PBX2: variants seen among roughly 807,000 people sequenced by gnomAD.
PBX2 encodes the protein PBX homeobox 2, also known as pre-B-cell leukemia transcription factor 2.
PBX2 carries 10 observed loss-of-function variants against 46.5 expected under a neutral mutation model. That is an observed-to-expected ratio of 0.21 (90% CI 0.13 to 0.36). The LOEUF (loss-of-function observed/expected upper bound fraction) is 0.36, where lower values mean the gene tolerates loss of function less well. Among genes scored for constraint, PBX2 ranks in the 10% least tolerant of loss-of-function variants. PBX2 has a pLI of 1.00. For synonymous variants in PBX2, 160 were observed against 222.5 expected (o/e 0.72, Z 2.50); for missense variants, 392 against 580.5 (o/e 0.68, Z 3.34).
chr6:32,190,192 G>GAA lies in PBX2; in HGVS notation c.-278_-277insTT, dbSNP rs1787386647. ...CGGGGGTGTGTGTGAGAGAGAGGGAGGAGGGAGGAGGGAGAAGGGGGGGGA... is the reference window on the plus strand; with the variant it reads ...CGGGGGTGTGTGTGAGAGAGAGGGAGAAGAGGGAGGAGGGAGAAGGGGGGGGA... On this transcript the variant is annotated 5_prime_UTR_variant, in exon 1 of 9. Coordinates refer to ENST00000375050, the MANE Select transcript of PBX2 (RefSeq NM_002586.5). 1 of 289,924 alleles carries GAA rather than the reference G, an allele frequency of 3.4e-6. No individual in the cohort carries two copies. Among genetic ancestry groups the GAA allele is most frequent in the Non-Finnish European group, 6.4e-6 (1 of 156,290 alleles). The allele number at this position is 289,924 out of a possible 1,614,324, so 18.0% of individuals were successfully genotyped here.
rs749343499 is a variant in PBX2, at chr6:32,187,192, A to T, written c.1024+50T>A. 1 of 1,608,196 alleles carries T rather than the reference A, an allele frequency of 6.2e-7. No individual in the cohort carries two copies. The highest frequency in any genetic ancestry group is 8.5e-7 in the Non-Finnish European group (1 of 1,177,236). ...TCCTGCCTAGATAGGAAGTGGGAACAAAAGCAGGAAGTGTGCAAAACAGTC... is the reference window on the plus strand; with the variant it reads ...TCCTGCCTAGATAGGAAGTGGGAACTAAAGCAGGAAGTGTGCAAAACAGTC... On this transcript the variant is annotated intron_variant, in intron 6 of 8. Transcript: ENST00000375050. The surrounding 1 kb of genome is among the most constrained non-coding windows in gnomAD (Gnocchi z 7.7).
chr6:32,188,946 T>C lies in PBX2; in HGVS notation c.222-150A>G. 2 of 668,058 alleles carry C rather than the reference T, an allele frequency of 3.0e-6. No homozygotes were observed. The allele number at this position is 668,058 out of a possible 1,614,324, so 41.4% of individuals were successfully genotyped here. A position where few individuals can be genotyped will look rare whatever the true frequency, so the allele number is the denominator to read the frequency against. On this transcript the variant is annotated intron_variant, in intron 1 of 8. Transcript: ENST00000375050. The surrounding 1 kb of genome is among the most constrained non-coding windows in gnomAD (Gnocchi z 6.5). ...GAGTTGGGGGTGGAATGAGGAGTTC[T>C]TGGGAAAAGATCAGCTCCCAGAGCA...
At position 32,188,519 on chromosome 6, in the gene PBX2, A is replaced by T. The variant is rs1242375630; in HGVS notation, c.296-15T>A. 1.2e-6 allele frequency: 2 copies of T among 1,611,758 alleles called. No individual in the cohort carries two copies. Among genetic ancestry groups the T allele is most frequent in the Non-Finnish European group, 1.7e-6 (2 of 1,178,710 alleles). On this transcript the variant is annotated splice_polypyrimidine_tract_variant and intron_variant, in intron 2 of 8. Coordinates refer to ENST00000375050, the MANE Select transcript of PBX2 (RefSeq NM_002586.5). The surrounding 1 kb of genome is among the most constrained non-coding windows in gnomAD (Gnocchi z 6.5). The stretch of plus-strand genomic sequence containing the variant: ...AATGCTGAGGCCTAGCATGCAGGCG[A>T]GTGGACTTAGGGACCCAGAGACCCC...
Position 32,185,148 on chromosome 6 carries a change from C to T in PBX2, c.*1234G>A, listed in dbSNP as rs1157796491. 6.6e-6 allele frequency: 1 copy of T among 152,636 alleles called. No homozygotes were observed. The highest frequency in any genetic ancestry group is 1.5e-5 in the Non-Finnish European group (1 of 68,048). 9.5% of individuals were successfully genotyped at this position (152,636 alleles called of 1,614,324 possible). A position where few individuals can be genotyped will look rare whatever the true frequency, so the allele number is the denominator to read the frequency against. ...ATATTTAACATATTTGGCAATAACT[C>T]CCTTCCCATTCTTCCCCCTCCAATT... On this transcript the variant is annotated 3_prime_UTR_variant, in exon 9 of 9. Transcript: ENST00000375050.
rs756013391 is a variant in PBX2, at chr6:32,187,390, G to A, written c.876C>T (p.Ser292=). The change falls in exon 6 of 9, where the codon TCC becomes TCT. Residue 292 remains serine, a synonymous_variant. Transcript: ENST00000375050. The surrounding 1 kb of genome is among the most constrained non-coding windows in gnomAD (Gnocchi z 7.7). ...GAATCCTCTTGTTGCCAAACCAGTT[G>A]GAGACCTGTGGGGCAGAAAGGAGGG... ...KKCGITVSQV[S]NWFGNKRIRY... is the part of the protein sequence containing the mutation. 3 of 1,612,952 alleles carry A rather than the reference G, an allele frequency of 1.9e-6. No individual in the cohort carries two copies. The highest frequency in any genetic ancestry group is 1.7e-5 in the Admixed American group (1 of 60,014).
rs1440690575 is a variant in PBX2 at position 32,187,982 on chromosome 6, G to A, written c.718C>T (p.Arg240Cys). ...TGGGCCCACCTGGCATCCAGGAAAC[G>A]GGAGCGCAGGATCATCACAGCCTCG... is the stretch of plus-strand genomic sequence containing the variant. ...TCEAVMILRS[R>C]FLDARRKRRN... is the part of the protein sequence containing the mutation. The change falls in exon 4 of 9, where the codon CGT (arginine) becomes TGT (cysteine). Residue 240 changes from arginine (R) to cysteine (C), a missense_variant. Physicochemically the swap from Arg to Cys is radical, Grantham distance 180 (BLOSUM62 -3). Transcript: ENST00000375050. This position sits in a 1 kb window ranked among gnomAD's most constrained non-coding sequence, Gnocchi z 7.7. The A allele has an allele frequency of 4.5e-6, 7 of 1,558,198 alleles. No homozygotes were observed. In the Admixed American group the frequency reaches 5.7e-5, roughly 13 times the overall value.
Position 32,189,630 on chromosome 6 carries a change from A to G in PBX2, c.221+65T>C. 5 of 1,254,590 alleles carry G rather than the reference A, an allele frequency of 4.0e-6. No individual in the cohort carries two copies. The highest frequency in any genetic ancestry group is 4.6e-6 in the Non-Finnish European group (4 of 873,098). The allele number at this position is 1,254,590 out of a possible 1,614,324, so 77.7% of individuals were successfully genotyped here. A position where few individuals can be genotyped will look rare whatever the true frequency, so the allele number is the denominator to read the frequency against. On this transcript the variant is annotated intron_variant, in intron 1 of 8. Transcript: ENST00000375050. The surrounding 1 kb of genome is among the most constrained non-coding windows in gnomAD (Gnocchi z 4.7). The stretch of plus-strand genomic sequence containing the variant: ...CCCTGGAGTTGGGGGGGGCTCCCAG[A>G]AGATTCAGAACATGTGAACGGGGTT...
Position 32,188,445 on chromosome 6 carries a change from C to T in PBX2, c.355G>A (p.Asp119Asn). The T allele has an allele frequency of 6.2e-7, 1 of 1,614,140 alleles. No homozygotes were observed. ...ACACCCTCTGCCAGAAGCATGTTGT[C>T]CAAGCGCATCAGCTGTGGGTCCACC... ...EPVDPQLMRL[D>N]NMLLAEGVAG... Residue 119 changes from aspartate (D) to asparagine (N), a missense_variant, in exon 3 of 9, where the codon GAC (aspartate) becomes AAC (asparagine). Coordinates refer to ENST00000375050, the MANE Select transcript of PBX2 (RefSeq NM_002586.5). The surrounding 1 kb of genome is among the most constrained non-coding windows in gnomAD (Gnocchi z 6.5).
rs1196178798 is a variant in PBX2 at position 32,188,176 on chromosome 6, G to A, written c.544-20C>T. 1.9e-6 allele frequency: 3 copies of A among 1,597,522 alleles called. No individual in the cohort carries two copies. In the South Asian group the frequency reaches 3.4e-5, roughly 18 times the overall value. ...ACATGCCTGTAGTGGGGGCCAGTGGGCTGGTGAGGAGGAGCCCTTTGACCA... is the reference window on the plus strand; with the variant it reads ...ACATGCCTGTAGTGGGGGCCAGTGGACTGGTGAGGAGGAGCCCTTTGACCA... On this transcript the variant is annotated intron_variant, in intron 3 of 8. Transcript: ENST00000375050. This position sits in a 1 kb window ranked among gnomAD's most constrained non-coding sequence, Gnocchi z 6.5.
Position 32,187,831 on chromosome 6 carries a change from G to A in PBX2, c.735-49C>T, listed in dbSNP as rs1787211946. ...TGAGGAGGATGTTGATGTCCTGGCA[G>A]GGCTGTCACATGGCATGACCCCAGA... is the stretch of plus-strand genomic sequence containing the variant. On this transcript the variant is annotated intron_variant, in intron 4 of 8. Coordinates refer to ENST00000375050, the MANE Select transcript of PBX2 (RefSeq NM_002586.5). The surrounding 1 kb of genome is among the most constrained non-coding windows in gnomAD (Gnocchi z 7.7). The A allele has an allele frequency of 6.2e-7, 1 of 1,602,866 alleles. No homozygotes were observed. Among genetic ancestry groups the A allele is most frequent in the Admixed American group, 1.7e-5 (1 of 59,154 alleles).
rs1582730709 is a variant in PBX2 at position 32,184,874 on chromosome 6, C to T, written c.*1508G>A. 6.8e-6 allele frequency: 1 copy of T among 147,746 alleles called. No individual in the cohort carries two copies. The highest frequency in any genetic ancestry group is 2.5e-5 in the African/African-American group (1 of 39,824). 9.2% of individuals were successfully genotyped at this position (147,746 alleles called of 1,614,324 possible). ...ACCCATCACACTTCCAACCTGTCCC[C>T]AGTCCTGCCCGGATCTTTAATGGGA... On this transcript the variant is annotated 3_prime_UTR_variant, in exon 9 of 9. Transcript: ENST00000375050.
Position 32,189,696 on chromosome 6 carries a change from T to TGGCCTG in PBX2, c.214_219dup (p.Gln72_Ala73dup), listed in dbSNP as rs1233606907. 2 of 1,605,946 alleles carry TGGCCTG rather than the reference T, an allele frequency of 1.2e-6. No homozygotes were observed. Among genetic ancestry groups the TGGCCTG allele is most frequent in the African/African-American group, 2.7e-5 (2 of 74,314 alleles). On this transcript the variant is annotated inframe_insertion and splice_region_variant, in exon 1 of 9. Coordinates refer to ENST00000375050, the MANE Select transcript of PBX2 (RefSeq NM_002586.5). The surrounding 1 kb of genome is among the most constrained non-coding windows in gnomAD (Gnocchi z 4.7). Reference sequence around the variant, plus strand: ...GGGTCCCGGAGTGGGGGCACTCACTTGGCCTGGGCCTCGTCCAGGCTCTGG... The same window carrying TGGCCTG: ...GGGTCCCGGAGTGGGGGCACTCACTTGGCCTGGGCCTGGGCCTCGTCCAGGCTCTGG...
Position 32,188,602 on chromosome 6 carries a change from G to T in PBX2, c.296-98C>A. 1 of 1,577,150 alleles carries T rather than the reference G, an allele frequency of 6.3e-7. No individual in the cohort carries two copies. The highest frequency in any genetic ancestry group is 1.4e-5 in the African/African-American group (1 of 73,782). On this transcript the variant is annotated intron_variant, in intron 2 of 8. Transcript: ENST00000375050. This position sits in a 1 kb window ranked among gnomAD's most constrained non-coding sequence, Gnocchi z 6.5. ...TGGAGAGCCAAGTTCCCAGGCTTTG[G>T]TTCCTTCCCCAGTCCCCCTGACTCC...
rs376707273 is a variant in PBX2 at position 32,186,511 on chromosome 6, C to A, written c.1201-37G>T. The A allele has an allele frequency of 4.4e-6, 7 of 1,592,126 alleles. No individual in the cohort carries two copies. In the East Asian group the frequency reaches 6.7e-5, roughly 15 times the overall value. On this transcript the variant is annotated intron_variant, in intron 8 of 8. Coordinates refer to ENST00000375050, the MANE Select transcript of PBX2 (RefSeq NM_002586.5). This position sits in a 1 kb window ranked among gnomAD's most constrained non-coding sequence, Gnocchi z 4.2. The stretch of plus-strand genomic sequence containing the variant: ...GACAGAGTACAGAAAACAGAGAAAG[C>A]CCTGGGAACCCTGTGTGGGCACAAC...
rs1787014060 is a variant in PBX2 at position 32,185,571 on chromosome 6, A to AAAAAAC, written c.*810_*811insGTTTTT. On this transcript the variant is annotated 3_prime_UTR_variant, in exon 9 of 9. Coordinates refer to ENST00000375050, the MANE Select transcript of PBX2 (RefSeq NM_002586.5). ...AGAAATCAACATATTTATAAAAAAA[A>AAAAAAC]AAACAAGCTACTTCCCCAAACTAAA... 2 of 152,080 alleles carry AAAAAAC rather than the reference A, an allele frequency of 1.3e-5. No homozygotes were observed. Among genetic ancestry groups the AAAAAAC allele is most frequent in the African/African-American group, 2.4e-5 (1 of 41,374 alleles). 9.4% of individuals were successfully genotyped at this position (152,080 alleles called of 1,614,324 possible).
rs556520243 is a variant in PBX2, at chr6:32,185,283, A to T, written c.*1099T>A. ...CCAGCCCTGCCCAAGGGTTGTGGGAAGAAGGGGGATGAGAGGCCAGCAGGG... is the reference window on the plus strand; with the variant it reads ...CCAGCCCTGCCCAAGGGTTGTGGGATGAAGGGGGATGAGAGGCCAGCAGGG... On this transcript the variant is annotated 3_prime_UTR_variant, in exon 9 of 9. Coordinates refer to ENST00000375050, the MANE Select transcript of PBX2 (RefSeq NM_002586.5). The T allele has an allele frequency of 1.3e-5, 2 of 152,480 alleles. No individual in the cohort carries two copies. The highest frequency in any genetic ancestry group is 4.8e-5 in the African/African-American group (2 of 41,434). The allele number at this position is 152,480 out of a possible 1,614,324, so 9.4% of individuals were successfully genotyped here.
rs774509384 is a variant in PBX2 at position 32,186,791 on chromosome 6, C to A, written c.1113+22G>T. 1 of 1,610,890 alleles carries A rather than the reference C, an allele frequency of 6.2e-7. No individual in the cohort carries two copies. The highest frequency in any genetic ancestry group is 8.5e-7 in the Non-Finnish European group (1 of 1,177,092). On this transcript the variant is annotated intron_variant, in intron 7 of 8. Coordinates refer to ENST00000375050, the MANE Select transcript of PBX2 (RefSeq NM_002586.5). This position sits in a 1 kb window ranked among gnomAD's most constrained non-coding sequence, Gnocchi z 4.2. ...AAATGGAGTTGGGGAAAGCCCTATTCGAGAGGAGATGGGCATCTGACCTGG... is the reference window on the plus strand; with the variant it reads ...AAATGGAGTTGGGGAAAGCCCTATTAGAGAGGAGATGGGCATCTGACCTGG...
Position 32,189,807 on chromosome 6 carries a change from G to C in PBX2, c.109C>G (p.Pro37Ala). The C allele has an allele frequency of 6.3e-7, 1 of 1,594,868 alleles. No homozygotes were observed. Among genetic ancestry groups the C allele is most frequent in the Non-Finnish European group, 8.5e-7 (1 of 1,170,438 alleles). Residue 37 changes from proline (P) to alanine (A), a missense_variant, in exon 1 of 9, where the codon CCC becomes GCC. This residue lies in a region of PBX2 where 196 missense variants were observed against 246.9 expected (regional missense o/e 0.79). Coordinates refer to ENST00000375050, the MANE Select transcript of PBX2 (RefSeq NM_002586.5). This position sits in a 1 kb window ranked among gnomAD's most constrained non-coding sequence, Gnocchi z 4.7. ...GGGACCCCCCCGCTACCCCCACCGG[G>C]GTCTCCGCCACCGGGAGGCTCGCCA... ...GPGEPPGGGDPGGGSGGVPGG... is the reference protein window; with the variant it reads ...GPGEPPGGGDAGGGSGGVPGG...
Position 32,186,307 on chromosome 6 carries a change from T to C in PBX2, c.*75A>G. On this transcript the variant is annotated 3_prime_UTR_variant, in exon 9 of 9. Coordinates refer to ENST00000375050, the MANE Select transcript of PBX2 (RefSeq NM_002586.5). This position sits in a 1 kb window ranked among gnomAD's most constrained non-coding sequence, Gnocchi z 4.2. ...TCTTGTGCTTCTCCTGTATTGGGGT[T>C]TGTCCTCTGGAAGCCTGCGTCCTCT... is the stretch of plus-strand genomic sequence containing the variant. 1 of 1,006,092 alleles carries C rather than the reference T, an allele frequency of 9.9e-7. No individual in the cohort carries two copies. The highest frequency in any genetic ancestry group is 2.0e-5 in the Admixed American group (1 of 51,236). The allele number at this position is 1,006,092 out of a possible 1,614,324, so 62.3% of individuals were successfully genotyped here.
Sources: allele counts gnomAD v4.1 joint callset, GRCh38; gene constraint gnomAD v4.1.1; regional missense constraint gnomAD v4.1.1; non-coding constraint Gnocchi (gnomAD v3.1); transcripts MANE v1.5; gene names NCBI Gene and HGNC (gene_info 2026-07-23, HGNC 2026-07-21).